The following GOLGA4 variants were observed in gnomAD, a reference collection of about 807,000 sequenced individuals.
GOLGA4 encodes golgin subfamily A member 4.
A neutral mutation model predicts 265.9 loss-of-function variants in GOLGA4; 169 were observed. The observed-to-expected ratio is 0.64, with a 90% CI of 0.56 to 0.72. The LOEUF (loss-of-function observed/expected upper bound fraction) is 0.72, where lower values mean the gene tolerates loss of function less well. Among genes scored for constraint, GOLGA4 ranks in the 30% least tolerant of loss-of-function variants. The pLI is 0.00. For synonymous variants in GOLGA4, 923 were observed against 855.8 expected (o/e 1.08, Z -1.37); for missense variants, 2,482 against 2,483.4 (o/e 1.00, Z 0.01).
intron 17 of GOLGA4, among the ~76,000 whole-genome samples, chr3:37,335,834 T>G (rs982326663): frequency 6.6e-6 from 1 of 151,982 alleles, no homozygotes; most frequent in African/African-American, 2.4e-5. Context: ...CCATGGCTTC[T>G]TGTCCTGCTG....
chr3:37,336,101 T>A (rs2097011360), intron 17 of GOLGA4, among the ~76,000 whole-genome samples: 1 of 152,214 alleles, frequency 6.6e-6, no homozygotes. Context: ...TAAAGAGCTT[T>A]GCTACTCTGT....
chr3:37,314,551 G>A (rs2096931746), intron 10 of GOLGA4, among the ~76,000 whole-genome samples: 1 of 151,798 alleles, frequency 6.6e-6, no homozygotes, highest in South Asian at 2.1e-4. Flanking sequence ...TGAGGCAGGA[G>A]TATTGCTTGA....
At chr3:37,288,418 A>AT (rs550981475) in intron 4 of GOLGA4, among the ~76,000 whole-genome samples, 66 of 126,136 alleles carry the variant, frequency 5.2e-4, no homozygotes, top group African/African-American at 1.6e-3. Flanking sequence ...CAGCTTCTTG[A>AT]TTTTTTTTAG....
At chr3:37,277,151 T>C (rs1298520115) in intron 2 of GOLGA4, among the ~76,000 whole-genome samples, 1 of 152,196 alleles carries the variant, frequency 6.6e-6, no homozygotes, top group Admixed American at 6.5e-5. Flanking sequence ...GTTCACAAGC[T>C]TGGAATATTA....
chr3:37,300,553 T>A (rs1233428069), intron 9 of GOLGA4, among the ~76,000 whole-genome samples: 2 of 151,980 alleles, frequency 1.3e-5, no homozygotes, highest in African/African-American at 4.8e-5. Context: ...TAAAATGAAT[T>A]TCTTTGAACC....
intron 3 of GOLGA4, among the ~76,000 whole-genome samples, chr3:37,285,214 T>G (rs912675040): frequency 4.7e-5 from 7 of 150,250 alleles, no homozygotes; most frequent in African/African-American, 1.7e-4. Context: ...TTGCCCAGGC[T>G]GGTCTCGAAC....
chr3:37,314,652 C>CACACAT (rs2096932391), intron 10 of GOLGA4, among the ~76,000 whole-genome samples: 1 of 145,798 alleles, frequency 6.9e-6, no homozygotes, highest in Non-Finnish European at 1.5e-5. Context: ...AACACACACA[C>CACACAT]ACACACACAC....
At chr3:37,296,301 T>TG in intron 7 of GOLGA4, 82 bp downstream of exon 7, 1 of 1,349,766 alleles carries the variant, frequency 7.4e-7, no homozygotes, top group Non-Finnish European at 1.0e-6. Context: ...ATCCCAACAC[T>TG]TTGGGAGGCC....
chr3:37,306,110 T>A (rs2096905319), intron 10 of GOLGA4, among the ~76,000 whole-genome samples: 1 of 152,218 alleles, frequency 6.6e-6, no homozygotes. Context: ...AGACTGTGAA[T>A]ACAGTGGTGT....
intron 9 of GOLGA4, among the ~76,000 whole-genome samples, chr3:37,300,743 A>G (rs2096890514): frequency 1.3e-5 from 2 of 152,190 alleles, no homozygotes; most frequent in Admixed American, 1.3e-4. Flanking sequence ...TTACAATACT[A>G]TAACCACATT....
intron 2 of GOLGA4, among the ~76,000 whole-genome samples, chr3:37,258,200 A>C (rs2096759283): frequency 1.4e-5 from 2 of 145,336 alleles, no homozygotes; most frequent in South Asian, 2.1e-4. Context: ...TATATGTATG[A>C]TATATATAGC....
At chr3:37,363,827 G>A (rs1248068201) in intron 23 of GOLGA4, among the ~76,000 whole-genome samples, 1 of 151,998 alleles carries the variant, frequency 6.6e-6, no homozygotes, top group Non-Finnish European at 1.5e-5. Context: ...TGCATTTAGT[G>A]GTCATATTTT....
chr3:37,263,537 TC>T (rs922592077), intron 2 of GOLGA4, among the ~76,000 whole-genome samples: 4 of 152,100 alleles, frequency 2.6e-5, no homozygotes, highest in Non-Finnish European at 5.9e-5. Flanking sequence ...ATGTATCCCC[TC>T]CCTATTGTTA....
At chr3:37,289,529 A>G (rs2096859413) in intron 5 of GOLGA4, among the ~76,000 whole-genome samples, 3 of 152,218 alleles carry the variant, frequency 2.0e-5, no homozygotes, top group South Asian at 2.1e-4. Context: ...GTCTGCATGA[A>G]CAGTCAGCGT....
At chr3:37,304,803 CCTTG>C (rs928422710) in intron 10 of GOLGA4, among the ~76,000 whole-genome samples, 1 of 151,966 alleles carries the variant, frequency 6.6e-6, no homozygotes, top group African/African-American at 2.4e-5. Context: ...GCTTTCCTTC[CCTTG>C]CTTGCTTCTC....
At chr3:37,251,733 A>C (rs2096734405) in intron 2 of GOLGA4, among the ~76,000 whole-genome samples, 1 of 151,468 alleles carries the variant, frequency 6.6e-6, no homozygotes, top group Admixed American at 6.6e-5. Flanking sequence ...CACCCAGGCT[A>C]GAGTGTGGTG....
chr3:37,264,435 G>A (rs568888404), intron 2 of GOLGA4, among the ~76,000 whole-genome samples: 1 of 152,206 alleles, frequency 6.6e-6, no homozygotes, highest in Admixed American at 6.5e-5. Context: ...AGAATTTAGT[G>A]TAAAGTTAAT....
In GOLGA4 at chr3:37,315,597, A is replaced by G; in HGVS notation, c.1412A>G (p.Lys471Arg). The part of the protein sequence containing the change: ...RVKQEVVDVM[K>R]KSSEEQIAKL... Reference sequence around the variant, plus strand: ...AAACAGGAGGTTGTTGATGTAATGAAAGTAAGAATAATTCTGTAATGAAAT... The same window carrying G: ...AAACAGGAGGTTGTTGATGTAATGAGAGTAAGAATAATTCTGTAATGAAAT... Residue 471 changes from lysine (K) to arginine (R), a missense_variant and splice_region_variant, in exon 11 of 24, where the codon AAA becomes AGA. Physicochemically the swap from Lys to Arg is conservative, Grantham distance 26. This residue lies in a region of GOLGA4 where 1,536 missense variants were observed against 1,483.7 expected (regional missense o/e 1.04). Transcript: ENST00000361924. 1 of 1,609,994 alleles carries G rather than the reference A, an allele frequency of 6.2e-7. No individual in the cohort carries two copies. The highest frequency in any genetic ancestry group is 8.5e-7 in the Non-Finnish European group (1 of 1,176,596).
intron 21 of GOLGA4, among the ~76,000 whole-genome samples, chr3:37,350,898 C>A (rs1306458495): frequency 1.3e-5 from 2 of 152,080 alleles, no homozygotes; most frequent in African/African-American, 4.8e-5. Flanking sequence ...AATATTTTTG[C>A]TAGTGGAGGA....
Sources: allele counts gnomAD v4.1 joint callset (sites outside exome capture counted in the v4.1 genomes callset), GRCh38; gene constraint gnomAD v4.1.1; regional missense constraint gnomAD v4.1.1; transcripts MANE v1.5; gene names NCBI Gene and HGNC (gene_info 2026-07-23, HGNC 2026-07-21).